CCDC7: variants seen among roughly 807,000 people sequenced by gnomAD.
CCDC7 encodes the protein coiled-coil domain containing 7.
CCDC7 carries 183 observed loss-of-function variants against 196.9 expected under a neutral mutation model. The ratio of observed to expected loss-of-function variants is 0.93; its 90% CI spans 0.82 to 1.05. The LOEUF is 1.05. Ranked by LOEUF, CCDC7 falls within the 50% of genes least tolerant of loss-of-function variation. The pLI is 0.00. For missense variants in CCDC7, 1,540 were observed against 1,482.2 expected, an observed-to-expected ratio of 1.04 and a Z score of -0.64; for synonymous variants, 525 against 484.6, an observed-to-expected ratio of 1.08 and a Z score of -1.10.
intron 32 of CCDC7, among the ~76,000 whole-genome samples, chr10:32,832,199 A>C (rs914106596): frequency 6.6e-6 from 1 of 152,130 alleles, no homozygotes; most frequent in Non-Finnish European, 1.5e-5. Flanking sequence ...GTGACATAGC[A>C]TCAGAAACTA....
At chr10:32,631,882 TTAAC>T (rs2064918464) in intron 18 of CCDC7, among the ~76,000 whole-genome samples, 1 of 152,184 alleles carries the variant, frequency 6.6e-6, no homozygotes, top group South Asian at 2.1e-4. Flanking sequence ...AAGTCATTCT[TTAAC>T]TGTTTCATTT....
intron 9 of CCDC7, among the ~76,000 whole-genome samples, chr10:32,495,008 C>T (rs1267689544): frequency 6.6e-6 from 1 of 152,200 alleles, no homozygotes; most frequent in East Asian, 1.9e-4. Flanking sequence ...TACACTCCCA[C>T]CAACAGTGTA....
rs1172483951 is a variant in CCDC7 at position 32,746,427 on chromosome 10, G to T, written c.2905+16970G>T. ...CAGGGACAGGGGTCTAGGCTGTGTG[G>T]ATTCCAGAGGGTTTGGCGCTGCAAT... is the stretch of plus-strand genomic sequence containing the variant. On this transcript the variant is annotated intron_variant, in intron 28 of 41. Transcript: ENST00000639629. Among the ~76,000 whole-genome samples the T allele has an allele frequency of 2.0e-5, 3 of 152,212 alleles. No homozygotes were observed. The East Asian group carries it at 5.8e-4, about 29-fold the overall frequency.
chr10:32,721,037 G>T (rs2082336733), intron 25 of CCDC7, among the ~76,000 whole-genome samples: 1 of 152,030 alleles, frequency 6.6e-6, no homozygotes, highest in Admixed American at 6.6e-5. Context: ...AGGCTATAGT[G>T]AGCTGTGTTC....
chr10:32,616,674 C>T (rs1029737012), intron 18 of CCDC7, among the ~76,000 whole-genome samples: 1 of 151,130 alleles, frequency 6.6e-6, no homozygotes, highest in Non-Finnish European at 1.5e-5. Flanking sequence ...TGCATGATTG[C>T]TTTGGTGAGG....
At chr10:32,660,042 G>A (rs1052179912) in intron 20 of CCDC7, among the ~76,000 whole-genome samples, 10 of 152,116 alleles carry the variant, frequency 6.6e-5, no homozygotes, top group African/African-American at 2.4e-4. Context: ...CCTGTTTGGT[G>A]CTCACTGCTT....
At chr10:32,744,391 A>G (rs1233023517) in intron 28 of CCDC7, among the ~76,000 whole-genome samples, 1 of 152,000 alleles carries the variant, frequency 6.6e-6, no homozygotes, top group Non-Finnish European at 1.5e-5. Context: ...AAAAAAAAGA[A>G]ACAGCCAAAG....
At chr10:32,485,107 G>A (rs1231712696) in intron 8 of CCDC7, among the ~76,000 whole-genome samples, 7 of 152,166 alleles carry the variant, frequency 4.6e-5, no homozygotes, top group Non-Finnish European at 8.8e-5. Context: ...GGTAGAATTC[G>A]GCTGTGAATC....
At chr10:32,445,713 T>C (rs1468559402), upstream of CCDC7, among the ~76,000 whole-genome samples, 1 of 152,156 alleles carries the variant, frequency 6.6e-6, no homozygotes, top group African/African-American at 2.4e-5. Context: ...CCATTTGATT[T>C]TGTTTTGCTT....
At chr10:32,590,322 T>TAAC (rs138928507) in intron 18 of CCDC7, among the ~76,000 whole-genome samples, 52,114 of 151,526 alleles carry the variant, frequency 0.34, 11,327 homozygotes, top group Non-Finnish European at 0.5. Flanking sequence ...ATTGCACAAA[T>TAAC]AACAACAACA....
rs558576662 is a variant in CCDC7, at chr10:32,719,265, G to A, written c.2570-7469G>A. On this transcript the variant is annotated intron_variant, in intron 25 of 41. Transcript: ENST00000639629. ...TCTTTGACAAACCTGACAAAAACAAGCAACGGAGAAAGGATTCCCTATTTA... is the reference window on the plus strand; with the variant it reads ...TCTTTGACAAACCTGACAAAAACAAACAACGGAGAAAGGATTCCCTATTTA... Among the ~76,000 whole-genome samples the A allele has an allele frequency of 2.0e-5, 3 of 152,302 alleles. No individual in the cohort carries two copies. The East Asian group carries it at 5.8e-4, about 29-fold the overall frequency.
intron 18 of CCDC7, among the ~76,000 whole-genome samples, chr10:32,605,839 A>G (rs1488339670): frequency 6.9e-6 from 1 of 145,830 alleles, no homozygotes; most frequent in African/African-American, 2.4e-5. Flanking sequence ...ACCTGGCCAT[A>G]TAGAAAAGAA....
At chr10:32,748,270 A>G (rs2075126596) in intron 28 of CCDC7, among the ~76,000 whole-genome samples, 3 of 152,136 alleles carry the variant, frequency 2.0e-5, no homozygotes, top group Non-Finnish European at 2.9e-5. Context: ...TGCTGTCACT[A>G]CCTGGGTGAC....
At chr10:32,488,577 C>T (rs2041638759) in intron 8 of CCDC7, among the ~76,000 whole-genome samples, 1 of 152,206 alleles carries the variant, frequency 6.6e-6, no homozygotes, top group South Asian at 2.1e-4. Context: ...CTGCGTCGCT[C>T]ACGCTGGGAG....
At chr10:32,823,112 T>C (rs547446697) in intron 31 of CCDC7, among the ~76,000 whole-genome samples, 40 of 152,258 alleles carry the variant, frequency 2.6e-4, no homozygotes, top group African/African-American at 7.9e-4. Context: ...AATGTTGTTA[T>C]TGAATTATTG....
At chr10:32,456,172 AAG>A in intron 2 of CCDC7, 77 bp from the exon 4 acceptor site, 1 of 1,305,180 alleles carries the variant, frequency 7.7e-7, no homozygotes, top group Non-Finnish European at 9.9e-7. Context: ...ATTTTTCAAA[AAG>A]TAAATATGCT....
intron 18 of CCDC7, among the ~76,000 whole-genome samples, chr10:32,602,327 C>T (rs969776529): frequency 1.3e-5 from 2 of 152,138 alleles, no homozygotes; most frequent in South Asian, 2.1e-4. Flanking sequence ...GACACACCAT[C>T]TTTAAGAGCT....
intron 21 of CCDC7, among the ~76,000 whole-genome samples, chr10:32,677,858 T>C (rs763253044): frequency 1.3e-5 from 2 of 152,186 alleles, no homozygotes; most frequent in Non-Finnish European, 2.9e-5. Context: ...CACATGATGG[T>C]ATCCCATACA....
Position 32,481,028 on chromosome 10 carries a change from C to G in CCDC7, c.796+7005C>G, listed in dbSNP as rs565814532. On this transcript the variant is annotated intron_variant, in intron 8 of 41. Coordinates refer to ENST00000639629, the Ensembl canonical transcript of CCDC7. ...ATTTGTTTTATATATTTAGGTGTTG[C>G]AATGTTGGGTGTGTATATATTTGTT... 1.2e-4 allele frequency among the ~76,000 whole-genome samples: 18 copies of G among 152,180 alleles called. No individual in the cohort carries two copies. In the South Asian group the frequency reaches 3.7e-3, roughly 32 times the overall value.
Sources: allele counts gnomAD v4.1 joint callset (sites outside exome capture counted in the v4.1 genomes callset), GRCh38; gene constraint gnomAD v4.1.1; transcripts MANE v1.5; gene names NCBI Gene and HGNC (gene_info 2026-07-23, HGNC 2026-07-21).